CCDC18: variants seen among roughly 807,000 people sequenced by gnomAD.
CCDC18 encodes coiled-coil domain containing 18, also known as coiled-coil domain-containing protein 18.
In CCDC18, 157 loss-of-function variants were observed where a neutral mutation model predicts 196.0. That is an observed-to-expected ratio of 0.80 (90% CI 0.70 to 0.91). The LOEUF is 0.91. Ranked by LOEUF, CCDC18 falls within the 40% of genes least tolerant of loss-of-function variation. The pLI is 0.00. For synonymous variants in CCDC18, 482 were observed against 529.2 expected (o/e 0.91, Z 1.22); for missense variants, 1,465 against 1,611.6 (o/e 0.91, Z 1.56).
chr1:93,217,014 A>T (rs1202824209), intron 13 of CCDC18, among the ~76,000 whole-genome samples: 1 of 143,328 alleles, frequency 7.0e-6, no homozygotes, highest in Non-Finnish European at 1.5e-5. Context: ...GGCTCACTGC[A>T]AGCTCTGCCT....
chr1:93,234,974 GCTTTT>G (rs1282767863), intron 18 of CCDC18, among the ~76,000 whole-genome samples: 1 of 39,882 alleles, frequency 2.5e-5, no homozygotes, highest in African/African-American at 1.2e-4. Context: ...TGTGTGTGTG[GCTTTT>G]CTTTTTTTTT....
intron 23 of CCDC18, 141 bp from the exon 24 acceptor site, chr1:93,254,330 T>C: frequency 1.7e-6 from 1 of 590,438 alleles, no homozygotes; most frequent in South Asian, 2.4e-5. Context: ...TTTGTGCTTA[T>C]TTCCAGGATA....
At chr1:93,214,201 A>G (rs1055018926) in intron 11 of CCDC18, among the ~76,000 whole-genome samples, 10 of 152,176 alleles carry the variant, frequency 6.6e-5, no homozygotes, top group Non-Finnish European at 1.5e-4. Context: ...CTCAGATAAC[A>G]GGTGCCACTG....
Position 93,205,540 on chromosome 1 carries a change from A to G in CCDC18, c.826A>G (p.Asn276Asp), listed in dbSNP as rs1296002546. ...AGCTGAAGAAGAAATATTAGAGAGA[A>G]ATCTAACTAACTGTGAAAAAGAAAA... ...VQAEEEILER[N>D]LTNCEKENKR... The change falls in exon 8 of 29, where the codon AAT (asparagine) becomes GAT (aspartate). Residue 276 changes from asparagine to aspartate, a missense_variant. Coordinates refer to ENST00000690025, the MANE Select transcript of CCDC18 (RefSeq NM_001378204.1). 1.3e-6 allele frequency: 2 copies of G among 1,589,564 alleles called. No individual in the cohort carries two copies. The highest frequency in any genetic ancestry group is 1.1e-5 in the South Asian group (1 of 89,562).
At chr1:93,221,529 A>G in intron 14 of CCDC18, 80 bp from the exon 15 acceptor site, 1 of 947,590 alleles carries the variant, frequency 1.1e-6, no homozygotes, top group South Asian at 2.5e-5. Context: ...AATTTCAATT[A>G]TAGTGTCACA....
chr1:93,191,947 A>C (rs1651886977), intron 4 of CCDC18, 53 bp from the exon 5 acceptor site: 1 of 1,272,916 alleles, frequency 7.9e-7, no homozygotes, highest in Non-Finnish European at 1.1e-6. Context: ...CTAAGGACCA[A>C]GTAGGTTAAT....
intron 23 of CCDC18, among the ~76,000 whole-genome samples, chr1:93,248,630 G>T (rs1230071482): frequency 6.6e-6 from 1 of 152,124 alleles, no homozygotes; most frequent in Non-Finnish European, 1.5e-5. Flanking sequence ...TTCTGTTTCT[G>T]TTATGTCCTT....
At chr1:93,272,714 A>G (rs1310313501) in intron 28 of CCDC18, among the ~76,000 whole-genome samples, 2 of 152,220 alleles carry the variant, frequency 1.3e-5, no homozygotes, top group African/African-American at 4.8e-5. Flanking sequence ...GGAAATAGAA[A>G]CATCAAGAAT....
intron 7 of CCDC18, among the ~76,000 whole-genome samples, chr1:93,203,622 A>G (rs1026614684): frequency 1.3e-5 from 2 of 152,190 alleles, no homozygotes; most frequent in Admixed American, 1.3e-4. Flanking sequence ...AGAACATTTT[A>G]AAAAGAAGGT....
At chr1:93,186,056 A>G (rs1650622074) in intron 3 of CCDC18, among the ~76,000 whole-genome samples, 1 of 151,956 alleles carries the variant, frequency 6.6e-6, no homozygotes, top group Non-Finnish European at 1.5e-5. Flanking sequence ...GTTTATGTCT[A>G]GGGATGATAT....
rs1339563357 is a variant in CCDC18 at position 93,225,099 on chromosome 1, G to C, written c.2176-1234G>C. 3.9e-5 allele frequency among the ~76,000 whole-genome samples: 6 copies of C among 152,102 alleles called. No homozygotes were observed. The East Asian group carries it at 9.6e-4, about 24-fold the overall frequency. ...TAGAATAGAATCTGCAAGAGAGAAT[G>C]TTTTTCTCGTTTTTTCATCTGCTAA... On this transcript the variant is annotated intron_variant, in intron 16 of 28. Transcript: ENST00000690025.
At chr1:93,236,179 C>T (rs923536592) in intron 18 of CCDC18, 69 bp from the exon 19 acceptor site, 1 of 1,248,866 alleles carries the variant, frequency 8.0e-7, no homozygotes, top group Admixed American at 2.8e-5. Flanking sequence ...AACTGATAAG[C>T]TAGGTTACAT....
intron 4 of CCDC18, among the ~76,000 whole-genome samples, chr1:93,191,212 C>T (rs930393280): frequency 6.6e-6 from 1 of 152,046 alleles, no homozygotes; most frequent in African/African-American, 2.4e-5. Flanking sequence ...TATTAATTCC[C>T]TTGTTACAGC....
chr1:93,245,667 T>C (rs956305481), intron 21 of CCDC18, among the ~76,000 whole-genome samples: 1 of 152,130 alleles, frequency 6.6e-6, no homozygotes, highest in African/African-American at 2.4e-5. Flanking sequence ...AGGCATCGTT[T>C]TGAGTAACAT....
At chr1:93,191,599 C>A (rs537870384) in intron 4 of CCDC18, among the ~76,000 whole-genome samples, 1 of 152,208 alleles carries the variant, frequency 6.6e-6, no homozygotes, top group South Asian at 2.1e-4. Context: ...TATTTAGATT[C>A]TTCCTAGTAA....
rs773947995 is a variant in CCDC18 at position 93,183,486 on chromosome 1, A to T, written c.125A>T (p.Glu42Val). The T allele has an allele frequency of 6.3e-7, 1 of 1,590,086 alleles. No individual in the cohort carries two copies. The highest frequency in any genetic ancestry group is 1.2e-5 in the South Asian group (1 of 85,326). ...TGGAGTTTGCAGAGTTTAGGGGAAG[A>T]GTTATCCAGGTAAGTAAGTAAAATC... ...TEWSLQSLGE[E>V]LSSVSPSENS... The change falls in exon 2 of 29, where the codon GAG becomes GTG. Residue 42 changes from glutamate to valine, a missense_variant. Glu to Val is a moderately radical substitution (Grantham distance 121, BLOSUM62 -2). Coordinates refer to ENST00000690025, the MANE Select transcript of CCDC18 (RefSeq NM_001378204.1).
At chr1:93,247,222 C>T (rs1486900320) in intron 23 of CCDC18, among the ~76,000 whole-genome samples, 1 of 151,826 alleles carries the variant, frequency 6.6e-6, no homozygotes, top group Non-Finnish European at 1.5e-5. Flanking sequence ...CGACCACACT[C>T]TGTGGATCTT....
chr1:93,265,155 G>C (rs1209811607), intron 27 of CCDC18, among the ~76,000 whole-genome samples: 1 of 152,064 alleles, frequency 6.6e-6, no homozygotes, highest in Non-Finnish European at 1.5e-5. Context: ...TTTTATACTT[G>C]ATGTACCTAA....
At position 93,256,442 on chromosome 1, in the gene CCDC18, A is replaced by T; in HGVS notation, c.3450A>T (p.Glu1150Asp). Residue 1150 changes from glutamate to aspartate, a missense_variant, in exon 25 of 29, where the codon GAA becomes GAT. By Grantham distance (45) the Glu-to-Asp change is conservative. Transcript: ENST00000690025. Reference sequence around the variant, plus strand: ...AGCAGGTGCAGAACTCTCATACAGAATTGGCAGAGGCTCGTCATCAGCAAG... The same window carrying T: ...AGCAGGTGCAGAACTCTCATACAGATTTGGCAGAGGCTCGTCATCAGCAAG... ...TREQVQNSHT[E>D]LAEARHQQVQ... The T allele has an allele frequency of 6.2e-7, 1 of 1,614,112 alleles. No homozygotes were observed. The highest frequency in any genetic ancestry group is 1.1e-5 in the South Asian group (1 of 91,084).
Sources: allele counts gnomAD v4.1 joint callset (sites outside exome capture counted in the v4.1 genomes callset), GRCh38; gene constraint gnomAD v4.1.1; transcripts MANE v1.5; gene names NCBI Gene and HGNC (gene_info 2026-07-23, HGNC 2026-07-21).